GALNT13: variants seen among roughly 807,000 people sequenced by gnomAD.
GALNT13 encodes polypeptide N-acetylgalactosaminyltransferase 13, also known as UDP-GalNAc:polypeptide N-acetylgalactosaminyltransferase 13.
A neutral mutation model predicts 64.2 loss-of-function variants in GALNT13; 28 were observed. The ratio of observed to expected loss-of-function variants is 0.44; its 90% CI spans 0.32 to 0.60. GALNT13 has a LOEUF of 0.60. Ranked by LOEUF, GALNT13 falls within the 20% of genes least tolerant of loss-of-function variation. GALNT13 has a pLI of 0.05. For missense variants in GALNT13, 577 were observed against 669.8 expected (o/e 0.86, Z 1.53); for synonymous variants, 214 against 224.6 (o/e 0.95, Z 0.42).
At chr2:153,824,101 A>T in the GALNT13 span, among the ~76,000 whole-genome samples, 1 of 152,220 alleles carries the variant, frequency 6.6e-6, no homozygotes, top group African/African-American at 2.4e-5. Flanking sequence ...GGCTGTTATT[A>T]AAAAGCCATA....
the GALNT13 span, among the ~76,000 whole-genome samples, chr2:153,767,870 T>TA: frequency 6.6e-6 from 1 of 152,128 alleles, no homozygotes; most frequent in African/African-American, 2.4e-5. Context: ...AAATGCATAG[T>TA]TTGCAAATAT....
At chr2:153,535,886 G>T in the GALNT13 span, among the ~76,000 whole-genome samples, 1 of 152,102 alleles carries the variant, frequency 6.6e-6, no homozygotes, top group South Asian at 2.1e-4. Flanking sequence ...GCTAAACTGA[G>T]GACTTAAGTC....
intron 3 of GALNT13, among the ~76,000 whole-genome samples, chr2:153,972,962 T>C (rs1322816231): frequency 1.3e-5 from 2 of 152,080 alleles, no homozygotes; most frequent in African/African-American, 4.8e-5. Flanking sequence ...CTGGTCACAA[T>C]CTTAGAATTC....
At chr2:153,424,940 GA>G in the GALNT13 span, among the ~76,000 whole-genome samples, 1 of 151,768 alleles carries the variant, frequency 6.6e-6, no homozygotes, top group Non-Finnish European at 1.5e-5. Flanking sequence ...AAAAGTGAAT[GA>G]ATCATGTCTA....
At chr2:153,796,529 A>G in the GALNT13 span, among the ~76,000 whole-genome samples, 4 of 152,228 alleles carry the variant, frequency 2.6e-5, no homozygotes, top group Non-Finnish European at 5.9e-5. Context: ...ATCTTTTATA[A>G]AAATAAATAT....
intron 3 of GALNT13, among the ~76,000 whole-genome samples, chr2:153,967,451 G>C (rs1347793218): frequency 6.6e-6 from 1 of 152,106 alleles, no homozygotes; most frequent in Non-Finnish European, 1.5e-5. Context: ...TCAGCAGTAG[G>C]TGGCCCCCAT....
the GALNT13 span, among the ~76,000 whole-genome samples, chr2:153,099,414 A>G: frequency 2.2e-4 from 33 of 152,334 alleles, no homozygotes; most frequent in Non-Finnish European, 3.2e-4. Context: ...TCAAATGTAC[A>G]CAAGACTCTC....
chr2:153,256,158 G>T, the GALNT13 span, among the ~76,000 whole-genome samples: 5 of 152,030 alleles, frequency 3.3e-5, no homozygotes, highest in East Asian at 3.9e-4. Flanking sequence ...TGGAGGCTTT[G>T]CTCGTTTCTT....
the GALNT13 span, among the ~76,000 whole-genome samples, chr2:153,384,534 A>C: frequency 2.3e-4 from 35 of 152,014 alleles, no homozygotes; most frequent in Admixed American, 6.6e-5. Flanking sequence ...CCTGCCACTC[A>C]TTCCAACTGA....
At chr2:154,196,630 G>A (rs916102573) in intron 4 of GALNT13, among the ~76,000 whole-genome samples, 1 of 152,168 alleles carries the variant, frequency 6.6e-6, no homozygotes, top group Admixed American at 6.5e-5. Context: ...TGAAAGCGTA[G>A]GTGATTCTAA....
chr2:153,247,498 C>T, the GALNT13 span, among the ~76,000 whole-genome samples: 1 of 152,174 alleles, frequency 6.6e-6, no homozygotes, highest in African/African-American at 2.4e-5. Context: ...CAAAACTGCA[C>T]AACTACATGG....
the GALNT13 span, among the ~76,000 whole-genome samples, chr2:153,622,215 A>AAC: frequency 5.3e-5 from 8 of 152,000 alleles, no homozygotes; most frequent in African/African-American, 1.7e-4. Flanking sequence ...AGTTCTCTCT[A>AAC]ACACACACAC....
At chr2:153,791,342 A>G in the GALNT13 span, among the ~76,000 whole-genome samples, 1 of 152,186 alleles carries the variant, frequency 6.6e-6, no homozygotes, top group Non-Finnish European at 1.5e-5. Context: ...CACACCAGTC[A>G]TAATGGTTAT....
chr2:153,191,612 C>CAATTTTTG, the GALNT13 span, among the ~76,000 whole-genome samples: 5 of 151,766 alleles, frequency 3.3e-5, no homozygotes, highest in African/African-American at 1.2e-4. Context: ...TCCCCTTTTC[C>CAATTTTTG]AATTTTTGGA....
chr2:153,447,568 A>G, the GALNT13 span, among the ~76,000 whole-genome samples: 1 of 152,214 alleles, frequency 6.6e-6, no homozygotes, highest in Non-Finnish European at 1.5e-5. Flanking sequence ...TTCCTGTAGT[A>G]TTACTCTGGT....
At chr2:153,753,235 T>A in the GALNT13 span, among the ~76,000 whole-genome samples, 1 of 152,090 alleles carries the variant, frequency 6.6e-6, no homozygotes, top group Non-Finnish European at 1.5e-5. Flanking sequence ...TTCTCCAGGA[T>A]TGGTCGCTGG....
Position 154,411,591 on chromosome 2 carries a change from A to G in GALNT13, c.1395+2509A>G, listed in dbSNP as rs1292768553. On this transcript the variant is annotated intron_variant, in intron 11 of 12. Transcript: ENST00000392825. ...TTATGAAAAAATATTTGAACAATATATAGTATCTGTATATTTATATGGATG... is the reference window on the plus strand; with the variant it reads ...TTATGAAAAAATATTTGAACAATATGTAGTATCTGTATATTTATATGGATG... Among the ~76,000 whole-genome samples the G allele has an allele frequency of 2.0e-5, 3 of 151,984 alleles. No homozygotes were observed. The South Asian group carries it at 6.2e-4, about 31-fold the overall frequency.
At chr2:154,082,859 G>C (rs1225984976) in intron 3 of GALNT13, among the ~76,000 whole-genome samples, 1 of 151,994 alleles carries the variant, frequency 6.6e-6, no homozygotes, top group Admixed American at 6.6e-5. Context: ...TATTCTGTAG[G>C]TTGCCTGTTC....
the GALNT13 span, among the ~76,000 whole-genome samples, chr2:153,470,725 A>G: frequency 6.6e-6 from 1 of 152,188 alleles, no homozygotes. Flanking sequence ...AAGATTCTTA[A>G]TTAATAAAGT....
Sources: gnomAD v4.1 joint callset for allele counts (sites outside exome capture counted in the v4.1 genomes callset) on GRCh38, gnomAD v4.1.1 for gene constraint, MANE v1.5 for transcripts, NCBI Gene and HGNC (gene_info 2026-07-23, HGNC 2026-07-21) for gene names.